GPATCH8: variants seen among roughly 807,000 people sequenced by gnomAD.
The protein encoded by GPATCH8 is G-patch domain containing 8, also known as G patch domain-containing protein 8.
Under a neutral mutation model 118.3 loss-of-function variants are expected in GPATCH8, and 18 were observed. The observed-to-expected ratio is 0.15, with a 90% CI of 0.11 to 0.23. The LOEUF is 0.23. Ranked by LOEUF, GPATCH8 falls within the 10% of genes least tolerant of loss-of-function variation. The pLI is 1.00. For synonymous variants in GPATCH8, 659 were observed against 684.7 expected (o/e 0.96, Z 0.59); for missense variants, 1,631 against 1,873.8 (o/e 0.87, Z 2.39).
chr17:44,400,878 G>C lies in GPATCH8; in HGVS notation c.1199C>G (p.Ala400Gly). The C allele has an allele frequency of 6.2e-7, 1 of 1,613,828 alleles. No individual in the cohort carries two copies. Among genetic ancestry groups the C allele is most frequent in the South Asian group, 1.1e-5 (1 of 91,076 alleles). The change falls in exon 8 of 8, where the codon GCA becomes GGA. Residue 400 changes from alanine (A) to glycine (G), a missense_variant. Physicochemically the swap from Ala to Gly is moderately conservative, Grantham distance 60. Around this residue, in one of 8 missense-constraint regions of GPATCH8, gnomAD observed 405 missense variants for 462.7 expected, o/e 0.88. Coordinates refer to ENST00000591680, the MANE Select transcript of GPATCH8 (RefSeq NM_001002909.4). Reference protein sequence around the residue: ...EPEYYHYIPPAHCKVKPNFPF... With the variant: ...EPEYYHYIPPGHCKVKPNFPF... ...AAAATTAGGTTTTACTTTGCAGTGT[G>C]CTGGGGGGATGTAGTGGTAATACTC...
intron 1 of GPATCH8, among the ~76,000 whole-genome samples, chr17:44,502,433 G>A (rs1041799318): frequency 6.6e-6 from 1 of 150,598 alleles, no homozygotes; most frequent in Non-Finnish European, 1.5e-5. Flanking sequence ...ATCCCTTTTA[G>A]TCTTCGAGAT....
In GPATCH8 at chr17:44,395,807, G is replaced by A; in HGVS notation, c.*1761C>T. On this transcript the variant is annotated 3_prime_UTR_variant, in exon 8 of 8. Transcript: ENST00000591680. ...ACCAACCAACCAATTCTAGCCACACGAATAGTTAGGAAAATGCCAAAGTGG... is the reference window on the plus strand; with the variant it reads ...ACCAACCAACCAATTCTAGCCACACAAATAGTTAGGAAAATGCCAAAGTGG... 1 of 454,100 alleles carries A rather than the reference G, an allele frequency of 2.2e-6. No individual in the cohort carries two copies. Among genetic ancestry groups the A allele is most frequent in the Non-Finnish European group, 4.4e-6 (1 of 226,788 alleles). The allele number at this position is 454,100 out of a possible 1,614,324, so 28.1% of individuals were successfully genotyped here. A position where few individuals can be genotyped will look rare whatever the true frequency, so the allele number is the denominator to read the frequency against.
Position 44,397,921 on chromosome 17 carries a change from C to A in GPATCH8, c.4156G>T (p.Ala1386Ser), listed in dbSNP as rs370712910. ...QHAILQHHAA[A>S]AAAAIGIHPH... is the part of the protein sequence containing the mutation. ...TGAATGCCGATGGCGGCAGCAGCTG[C>A]GGCAGCATGATGTTGTAGGATGGCA... The change falls in exon 8 of 8, where the codon GCA becomes TCA. Residue 1386 changes from alanine to serine, a missense_variant. Physicochemically the swap from Ala to Ser is moderately conservative, Grantham distance 99. Coordinates refer to ENST00000591680, the MANE Select transcript of GPATCH8 (RefSeq NM_001002909.4). 6.2e-7 allele frequency: 1 copy of A among 1,612,502 alleles called. No homozygotes were observed.
intron 1 of GPATCH8, among the ~76,000 whole-genome samples, chr17:44,488,691 T>TA (rs1598626888): frequency 6.6e-6 from 1 of 151,970 alleles, no homozygotes; most frequent in East Asian, 1.9e-4. Flanking sequence ...GTATTATAGT[T>TA]AGTGTATGGA....
intron 6 of GPATCH8, among the ~76,000 whole-genome samples, chr17:44,413,947 T>C (rs2049549237): frequency 6.6e-6 from 1 of 151,848 alleles, no homozygotes; most frequent in African/African-American, 2.4e-5. Context: ...ATCAAATTAA[T>C]TTGTCATAAA....
rs998471588 is a variant in GPATCH8, at chr17:44,421,241, T to C, written c.492+3108A>G. 4.0e-4 allele frequency among the ~76,000 whole-genome samples: 60 copies of C among 151,744 alleles called. 1 individual carries two copies. Among genetic ancestry groups the C allele is most frequent in the Non-Finnish European group, 7.4e-4 (50 of 67,938 alleles). On this transcript the variant is annotated intron_variant, in intron 6 of 7. Transcript: ENST00000591680. ...CTGTAATTCCAGCTACTCTGGGGGCTGAGGCAGGAGAATCGCTTGAACCCA... is the reference window on the plus strand; with the variant it reads ...CTGTAATTCCAGCTACTCTGGGGGCCGAGGCAGGAGAATCGCTTGAACCCA...
intron 5 of GPATCH8, among the ~76,000 whole-genome samples, chr17:44,430,224 C>G (rs2050256299): frequency 6.6e-6 from 1 of 152,100 alleles, no homozygotes; most frequent in Admixed American, 6.6e-5. Context: ...AAAGACATTA[C>G]AAGAAAACTA....
intron 2 of GPATCH8, among the ~76,000 whole-genome samples, chr17:44,468,828 T>C (rs1433945651): frequency 1.3e-5 from 2 of 152,116 alleles, no homozygotes; most frequent in African/African-American, 2.4e-5. Flanking sequence ...TAAATGTACA[T>C]TTAAGAACTG....
At chr17:44,469,587 C>T (rs77911255) in intron 2 of GPATCH8, among the ~76,000 whole-genome samples, 5,856 of 152,286 alleles carry the variant, frequency 0.038, 165 homozygotes, top group Non-Finnish European at 0.061. Context: ...ATTCAATTTA[C>T]ATCATTTAGC....
At chr17:44,464,757 A>G (rs2051693800) in intron 2 of GPATCH8, 1 of 552,614 alleles carries the variant, frequency 1.8e-6, no homozygotes, top group African/African-American at 1.9e-5. Flanking sequence ...ATATGGGGTA[A>G]GGGTCCTTTC....
intron 2 of GPATCH8, chr17:44,465,184 A>C (rs943758550): frequency 1.3e-5 from 2 of 152,046 alleles, no homozygotes; most frequent in Non-Finnish European, 2.9e-5. Context: ...AATTAAGTTG[A>C]TTAAACAGAA....
At chr17:44,429,339 T>C (rs1448706000) in intron 5 of GPATCH8, among the ~76,000 whole-genome samples, 5 of 152,100 alleles carry the variant, frequency 3.3e-5, no homozygotes, top group South Asian at 4.1e-4. Flanking sequence ...ATGACAACAT[T>C]ATACAGAGGC....
At position 44,397,134 on chromosome 17, in the gene GPATCH8, T is replaced by A; in HGVS notation, c.*434A>T. The A allele has an allele frequency of 2.2e-6, 1 of 456,278 alleles. No individual in the cohort carries two copies. Among genetic ancestry groups the A allele is most frequent in the Non-Finnish European group, 4.4e-6 (1 of 228,448 alleles). 28.3% of individuals were successfully genotyped at this position (456,278 alleles called of 1,614,324 possible). A position where few individuals can be genotyped will look rare whatever the true frequency, so the allele number is the denominator to read the frequency against. On this transcript the variant is annotated 3_prime_UTR_variant, in exon 8 of 8. Transcript: ENST00000591680. Reference sequence around the variant, plus strand: ...AACAGCTTGGCCTTCCCTGTGGCGCTGAGAAGGCAAGACCAGATGGGCCCA... The same window carrying A: ...AACAGCTTGGCCTTCCCTGTGGCGCAGAGAAGGCAAGACCAGATGGGCCCA...
intron 1 of GPATCH8, among the ~76,000 whole-genome samples, chr17:44,478,362 G>C (rs1309039395): frequency 6.6e-6 from 1 of 152,088 alleles, no homozygotes; most frequent in Admixed American, 6.6e-5. Flanking sequence ...TAATGATACA[G>C]GAATAAACCA....
chr17:44,447,888 G>A (rs935687673), intron 3 of GPATCH8, among the ~76,000 whole-genome samples: 1 of 152,176 alleles, frequency 6.6e-6, no homozygotes, highest in African/African-American at 2.4e-5. Flanking sequence ...GAACGCTCAA[G>A]GGTTCAGAAA....
intron 6 of GPATCH8, among the ~76,000 whole-genome samples, chr17:44,419,541 T>TAG (rs1230217525): frequency 2.0e-5 from 3 of 152,090 alleles, no homozygotes; most frequent in African/African-American, 7.2e-5. Context: ...GGCTAGGGTA[T>TAG]AGTGGCATGA....
chr17:44,495,632 T>C (rs561734725), intron 1 of GPATCH8, among the ~76,000 whole-genome samples: 1 of 152,334 alleles, frequency 6.6e-6, no homozygotes, highest in Non-Finnish European at 1.5e-5. Context: ...TTTTATTTAA[T>C]TAAGTTTTCA....
intron 1 of GPATCH8, among the ~76,000 whole-genome samples, chr17:44,483,206 T>TATATATATATATACACAC (rs1555646849): frequency 6.5e-5 from 5 of 77,484 alleles, no homozygotes; most frequent in African/African-American, 2.5e-4. Context: ...TATATATATA[T>TATATATATATATACACAC]ATATATATAT....
intron 7 of GPATCH8, among the ~76,000 whole-genome samples, chr17:44,404,479 A>G (rs1598412315): frequency 6.6e-6 from 1 of 152,234 alleles, no homozygotes; most frequent in East Asian, 1.9e-4. Flanking sequence ...AATGGGAATC[A>G]TTGTAATAGT....
Sources: gnomAD v4.1 joint callset for allele counts (sites outside exome capture counted in the v4.1 genomes callset) on GRCh38, gnomAD v4.1.1 for gene constraint, gnomAD v4.1.1 regional missense constraint, MANE v1.5 for transcripts, NCBI Gene and HGNC (gene_info 2026-07-23, HGNC 2026-07-21) for gene names.